PDE9A: variants seen among roughly 807,000 people sequenced by gnomAD.
PDE9A encodes the protein phosphodiesterase 9A, also known as high affinity cGMP-specific 3',5'-cyclic phosphodiesterase 9A.
In PDE9A, 60 loss-of-function variants were observed where a neutral mutation model predicts 87.4. The ratio of observed to expected loss-of-function variants is 0.69; its 90% CI spans 0.56 to 0.85. PDE9A has a LOEUF of 0.85. PDE9A is among the 40% of genes least tolerant of loss of function. The pLI is 0.00. For synonymous variants in PDE9A, 272 were observed against 279.4 expected (o/e 0.97, Z 0.27); for missense variants, 665 against 779.0 (o/e 0.85, Z 1.74).
At chr21:42,743,222 C>T (rs1331538510) in intron 7 of PDE9A, among the ~76,000 whole-genome samples, 1 of 152,216 alleles carries the variant, frequency 6.6e-6, no homozygotes, top group Non-Finnish European at 1.5e-5. Flanking sequence ...TCTGCTGATC[C>T]TCAACTTTGC....
At chr21:42,726,610 A>T (rs1457110763) in intron 4 of PDE9A, among the ~76,000 whole-genome samples, 69 of 23,602 alleles carry the variant, frequency 2.9e-3, no homozygotes, top group African/African-American at 0.024. Flanking sequence ...ATATATATAT[A>T]TATATATATA....
At position 42,705,340 on chromosome 21, in the gene PDE9A, A is replaced by G. The variant is rs2048732101; in HGVS notation, c.262+6329A>G. On this transcript the variant is annotated intron_variant, in intron 4 of 19. Transcript: ENST00000291539. This position sits in a 1 kb window ranked among gnomAD's most constrained non-coding sequence, Gnocchi z 4.3. ...AAATCCTTGAGCCTCAATCACTTTT[A>G]TTTGATGTAAGCCGCTCAAACTCAA... 6.6e-6 allele frequency among the ~76,000 whole-genome samples: 1 copy of G among 152,310 alleles called. No homozygotes were observed. The highest frequency in any genetic ancestry group is 1.9e-4 in the East Asian group (1 of 5,190).
intron 13 of PDE9A, 104 bp downstream of exon 13, chr21:42,761,011 AC>A (rs1181628670): frequency 2.6e-6 from 2 of 770,656 alleles, no homozygotes; most frequent in Admixed American, 3.9e-5. Flanking sequence ...GGAGCTGTCA[AC>A]GACGGCCTCC....
At chr21:42,737,254 CACAA>C (rs2052555634) in intron 7 of PDE9A, among the ~76,000 whole-genome samples, 1 of 152,246 alleles carries the variant, frequency 6.6e-6, no homozygotes, top group Non-Finnish European at 1.5e-5. Flanking sequence ...CACATATAAA[CACAA>C]ACAGAGAAAG....
At chr21:42,742,436 A>G (rs1280831125) in intron 7 of PDE9A, among the ~76,000 whole-genome samples, 1 of 146,674 alleles carries the variant, frequency 6.8e-6, no homozygotes, top group Non-Finnish European at 1.5e-5. Flanking sequence ...GGAGGAAATC[A>G]TAGGGAGTTG....
At chr21:42,670,173 G>T (rs887485922) in intron 1 of PDE9A, among the ~76,000 whole-genome samples, 4 of 138,896 alleles carry the variant, frequency 2.9e-5, no homozygotes, top group African/African-American at 1.1e-4. Flanking sequence ...ACATTCACAC[G>T]CACACATACA....
chr21:42,692,085 C>T lies in PDE9A; in HGVS notation c.218+4091C>T, dbSNP rs1204231085. ...TTGAGGTTCTCACTGCTGCTGGCCC[C>T]GCTGGACGGTCTTCTCTCATAGGAA... On this transcript the variant is annotated intron_variant, in intron 3 of 19. Transcript: ENST00000291539. The surrounding 1 kb of genome is among the most constrained non-coding windows in gnomAD (Gnocchi z 4.3). Among the ~76,000 whole-genome samples the T allele has an allele frequency of 5.9e-5, 9 of 152,346 alleles. No individual in the cohort carries two copies. Among genetic ancestry groups the T allele is most frequent in the South Asian group, 2.1e-4 (1 of 4,832 alleles).
At chr21:42,746,502 C>T (rs2053863149) in intron 8 of PDE9A, among the ~76,000 whole-genome samples, 1 of 152,150 alleles carries the variant, frequency 6.6e-6, no homozygotes, top group South Asian at 2.1e-4. Flanking sequence ...TCCGTTCTGT[C>T]CAAATTCCCC....
At chr21:42,742,736 A>T (rs1302378197) in intron 7 of PDE9A, among the ~76,000 whole-genome samples, 1 of 151,994 alleles carries the variant, frequency 6.6e-6, no homozygotes, top group Admixed American at 6.5e-5. Flanking sequence ...AAGTGCTGGG[A>T]TTACAGGCGT....
Position 42,653,809 on chromosome 21 carries a change from C to G in PDE9A, c.-6C>G. 6.5e-7 allele frequency: 1 copy of G among 1,537,062 alleles called. No homozygotes were observed. Among genetic ancestry groups the G allele is most frequent in the Non-Finnish European group, 8.8e-7 (1 of 1,141,646 alleles). On this transcript the variant is annotated 5_prime_UTR_variant, in exon 1 of 20. Coordinates refer to ENST00000291539, the MANE Select transcript of PDE9A (RefSeq NM_002606.3). ...AAAAAGTCCGAGTGCAGCCGCCGGG[C>G]GCAGGATGGGATCCGGCTCCTCCAG...
Position 42,675,411 on chromosome 21 carries a change from T to A in PDE9A, c.70-10781T>A, listed in dbSNP as rs1361463775. On this transcript the variant is annotated intron_variant, in intron 1 of 19. Transcript: ENST00000291539. This position sits in a 1 kb window ranked among gnomAD's most constrained non-coding sequence, Gnocchi z 4.3. ...ATTGGTTGGGGTATAAATCCGGGGG[T>A]GCAGTGGAGATTAGATTAGATCGTC... Among the ~76,000 whole-genome samples, 2 of 152,072 alleles carry A rather than the reference T, an allele frequency of 1.3e-5. No homozygotes were observed. Among genetic ancestry groups the A allele is most frequent in the Non-Finnish European group, 2.9e-5 (2 of 68,012 alleles).
At chr21:42,701,496 A>ATG (rs2048380880) in intron 4 of PDE9A, among the ~76,000 whole-genome samples, 1 of 151,114 alleles carries the variant, frequency 6.6e-6, no homozygotes, top group African/African-American at 2.4e-5. Context: ...GAGTGCAGTG[A>ATG]TGCGGTCATA....
At chr21:42,711,315 C>A (rs1320315169) in intron 4 of PDE9A, among the ~76,000 whole-genome samples, 1 of 149,092 alleles carries the variant, frequency 6.7e-6, no homozygotes, top group Non-Finnish European at 1.5e-5. Flanking sequence ...TGCAGCTGTG[C>A]GATAAGCTCA....
chr21:42,760,411 G>A lies in PDE9A; in HGVS notation c.981G>A (p.Met327Ile). 1 of 1,604,128 alleles carries A rather than the reference G, an allele frequency of 6.2e-7. No homozygotes were observed. ...CFCVAQMMYS[M>I]VWLCSLQEKF... ...GCGTGGCCCAGATGATGTACAGCAT[G>A]GTCTGGCTCTGCAGTCTCCAGGTGG... The change falls in exon 12 of 20, where the codon ATG becomes ATA. Residue 327 changes from methionine (M) to isoleucine (I), a missense_variant. By Grantham distance (10) the Met-to-Ile change is conservative. Coordinates refer to ENST00000291539, the MANE Select transcript of PDE9A (RefSeq NM_002606.3). The surrounding 1 kb of genome is among the most constrained non-coding windows in gnomAD (Gnocchi z 5.2).
At chr21:42,680,765 C>G (rs1602012129) in intron 1 of PDE9A, among the ~76,000 whole-genome samples, 1 of 152,254 alleles carries the variant, frequency 6.6e-6, no homozygotes, top group Non-Finnish European at 1.5e-5. Context: ...TTGCGGACCC[C>G]TCCCCAGGCC....
chr21:42,726,616 A>ATTTTTTTTT (rs1569207357), intron 4 of PDE9A, among the ~76,000 whole-genome samples: 5 of 23,156 alleles, frequency 2.2e-4, no homozygotes, highest in South Asian at 3.7e-3. Context: ...ATATATATAT[A>ATTTTTTTTT]TATATATATT....
In PDE9A at chr21:42,659,501, A is replaced by C. The variant is rs1031113576; in HGVS notation, c.69+5618A>C. ...GCTCACTGTGCAGTCCACGCGGAGC[A>C]ATGGGGTGAAGTTTCCAGAGCAGGG... On this transcript the variant is annotated intron_variant, in intron 1 of 19. Coordinates refer to ENST00000291539, the MANE Select transcript of PDE9A (RefSeq NM_002606.3). The surrounding 1 kb of genome is among the most constrained non-coding windows in gnomAD (Gnocchi z 4.1). Among the ~76,000 whole-genome samples the C allele has an allele frequency of 1.3e-5, 2 of 152,180 alleles. No individual in the cohort carries two copies. Among genetic ancestry groups the C allele is most frequent in the African/African-American group, 2.4e-5 (1 of 41,438 alleles).
chr21:42,683,445 AT>A (rs1358268736), intron 1 of PDE9A, among the ~76,000 whole-genome samples: 1 of 152,234 alleles, frequency 6.6e-6, no homozygotes, highest in East Asian at 1.9e-4. Flanking sequence ...GCTTCTGTAG[AT>A]GACAGCTACC....
chr21:42,704,057 G>A lies in PDE9A; in HGVS notation c.262+5046G>A, dbSNP rs372596635. 1.2e-4 allele frequency among the ~76,000 whole-genome samples: 19 copies of A among 152,292 alleles called. No individual in the cohort carries two copies. In the South Asian group the frequency reaches 1.9e-3, roughly 15 times the overall value. On this transcript the variant is annotated intron_variant, in intron 4 of 19. Transcript: ENST00000291539. The surrounding 1 kb of genome is among the most constrained non-coding windows in gnomAD (Gnocchi z 5.3). ...GGCCCAGGCTCCCGCCAGCCCTCACGGCAGCACGAGGCTGGTACGAGACAG... is the reference window on the plus strand; with the variant it reads ...GGCCCAGGCTCCCGCCAGCCCTCACAGCAGCACGAGGCTGGTACGAGACAG...
Sources: gnomAD v4.1 joint callset for allele counts (sites outside exome capture counted in the v4.1 genomes callset) on GRCh38, gnomAD v4.1.1 for gene constraint, Gnocchi (gnomAD v3.1) non-coding constraint, MANE v1.5 for transcripts, NCBI Gene and HGNC (gene_info 2026-07-23, HGNC 2026-07-21) for gene names.